GALNTL6: variants seen among roughly 807,000 people sequenced by gnomAD.
GALNTL6 encodes the protein polypeptide N-acetylgalactosaminyltransferase like 6.
Under a neutral mutation model 73.7 loss-of-function variants are expected in GALNTL6, and 46 were observed. The observed-to-expected ratio is 0.62, with a 90% confidence interval of 0.49 to 0.80. The LOEUF is 0.80. Among genes scored for constraint, GALNTL6 ranks in the 30% least tolerant of loss-of-function variants. GALNTL6 has a pLI of 0.00. For synonymous variants in GALNTL6, 259 were observed against 263.7 expected, an observed-to-expected ratio of 0.98 and a Z score of 0.17; for missense variants, 604 against 755.0, an observed-to-expected ratio of 0.80 and a Z score of 2.34.
At chr4:172,840,230 T>C (rs777071059) in intron 7 of GALNTL6, among the ~76,000 whole-genome samples, 9 of 152,238 alleles carry the variant, frequency 5.9e-5, no homozygotes. Flanking sequence ...TCACTGGAAC[T>C]GTTATAATGT....
intron 2 of GALNTL6, among the ~76,000 whole-genome samples, chr4:171,840,104 C>A (rs556197633): frequency 1.3e-5 from 2 of 152,158 alleles, no homozygotes; most frequent in East Asian, 3.9e-4. Flanking sequence ...CTTTTACTCT[C>A]TTGTTTAACC....
At chr4:173,026,382 G>A (rs970907605) in intron 12 of GALNTL6, among the ~76,000 whole-genome samples, 3 of 152,178 alleles carry the variant, frequency 2.0e-5, no homozygotes, top group Non-Finnish European at 2.9e-5. Flanking sequence ...CTGGAATGGT[G>A]TATAAATACC....
intron 8 of GALNTL6, among the ~76,000 whole-genome samples, chr4:172,887,041 T>C (rs541662274): frequency 6.6e-6 from 1 of 152,332 alleles, no homozygotes; most frequent in South Asian, 2.1e-4. Context: ...TGTCCATGTG[T>C]ACTCAATGCT....
At chr4:172,151,110 A>C (rs11132931) in intron 2 of GALNTL6, among the ~76,000 whole-genome samples, 1 of 151,972 alleles carries the variant, frequency 6.6e-6, no homozygotes, top group Non-Finnish European at 1.5e-5. Context: ...ACTATGCCAA[A>C]AAGAGTTTGA....
chr4:172,269,194 GA>G (rs2111052835), intron 3 of GALNTL6, among the ~76,000 whole-genome samples: 1 of 152,262 alleles, frequency 6.6e-6, no homozygotes, highest in East Asian at 1.9e-4. Flanking sequence ...TCTAGGCAGA[GA>G]GACGTCTTGA....
At chr4:172,340,529 G>A (rs1388480878) in intron 4 of GALNTL6, among the ~76,000 whole-genome samples, 2 of 152,070 alleles carry the variant, frequency 1.3e-5, no homozygotes, top group Non-Finnish European at 2.9e-5. Flanking sequence ...GAAGTGTATG[G>A]TTGTCAATTT....
chr4:172,790,411 G>T lies in GALNTL6; in HGVS notation c.554-18950G>T, dbSNP rs985650072. On this transcript the variant is annotated intron_variant, in intron 5 of 12. Coordinates refer to ENST00000506823, the MANE Select transcript of GALNTL6 (RefSeq NM_001034845.3). ...GTGTCCTAGAAATTTTTCTCTCTCT[G>T]CCCATGCACACACACAGAGGAAAGA... Among the ~76,000 whole-genome samples, 6 of 152,044 alleles carry T rather than the reference G, an allele frequency of 3.9e-5. No homozygotes were observed. The East Asian group carries it at 1.2e-3, about 29-fold the overall frequency.
chr4:171,923,104 C>T (rs866444234), intron 2 of GALNTL6, among the ~76,000 whole-genome samples: 2 of 152,112 alleles, frequency 1.3e-5, no homozygotes, highest in Non-Finnish European at 1.5e-5. Flanking sequence ...AGTAGAGAGA[C>T]TGTAGGTCAA....
intron 2 of GALNTL6, among the ~76,000 whole-genome samples, chr4:172,154,024 T>C (rs1734177076): frequency 6.7e-6 from 1 of 150,050 alleles, no homozygotes. Flanking sequence ...AGCAATTGTG[T>C]TGTGGTTTTT....
intron 5 of GALNTL6, among the ~76,000 whole-genome samples, chr4:172,769,087 A>G (rs1325778340): frequency 6.6e-6 from 1 of 152,028 alleles, no homozygotes; most frequent in Non-Finnish European, 1.5e-5. Context: ...AAACTTTTTA[A>G]ACTATAAGTA....
chr4:171,991,141 G>A (rs1013226752), intron 2 of GALNTL6, among the ~76,000 whole-genome samples: 5 of 152,002 alleles, frequency 3.3e-5, no homozygotes, highest in Non-Finnish European at 7.4e-5. Flanking sequence ...ATCAAGATAC[G>A]TAATTAAAAG....
At chr4:172,640,771 T>C (rs925894484) in intron 5 of GALNTL6, among the ~76,000 whole-genome samples, 3 of 152,148 alleles carry the variant, frequency 2.0e-5, no homozygotes, top group Admixed American at 1.3e-4. Context: ...AGTCATATTC[T>C]GAGGAACTGT....
intron 7 of GALNTL6, among the ~76,000 whole-genome samples, chr4:172,848,339 G>A (rs751572089): frequency 6.6e-6 from 1 of 151,946 alleles, no homozygotes; most frequent in Non-Finnish European, 1.5e-5. Flanking sequence ...CCTTTTCATT[G>A]ACCTGTATTT....
chr4:172,261,674 A>G, intron 3 of GALNTL6, among the ~76,000 whole-genome samples: 1 of 150,676 alleles, frequency 6.6e-6, no homozygotes, highest in East Asian at 1.9e-4. Flanking sequence ...CTCTAATTCC[A>G]TGGGATATGA....
chr4:172,605,745 G>T (rs1738231061), intron 5 of GALNTL6, among the ~76,000 whole-genome samples: 1 of 151,990 alleles, frequency 6.6e-6, no homozygotes, highest in African/African-American at 2.4e-5. Flanking sequence ...TAAAATCTGG[G>T]TTCTTATCTC....
At chr4:172,754,197 A>T (rs1737602440) in intron 5 of GALNTL6, among the ~76,000 whole-genome samples, 1 of 152,212 alleles carries the variant, frequency 6.6e-6, no homozygotes, top group South Asian at 2.1e-4. Flanking sequence ...ATTATCAATA[A>T]CTGTGAATCT....
intron 5 of GALNTL6, among the ~76,000 whole-genome samples, chr4:172,659,344 C>T (rs1731252078): frequency 6.6e-6 from 1 of 152,146 alleles, no homozygotes; most frequent in African/African-American, 2.4e-5. Context: ...ATATCCACCA[C>T]CTCAAATACT....
At position 172,122,778 on chromosome 4, in the gene GALNTL6, G is replaced by T. The variant is rs976315757; in HGVS notation, c.139-106878G>T. ...TTTTGCTGACTGTCAGTATCTCCAAGGATTCTATCAATGGGCAGCATTTCT... is the reference window on the plus strand; with the variant it reads ...TTTTGCTGACTGTCAGTATCTCCAATGATTCTATCAATGGGCAGCATTTCT... On this transcript the variant is annotated intron_variant, in intron 2 of 12. Transcript: ENST00000506823. Among the ~76,000 whole-genome samples the T allele has an allele frequency of 2.0e-5, 3 of 152,140 alleles. No homozygotes were observed. The East Asian group carries it at 5.8e-4, about 29-fold the overall frequency.
At chr4:172,735,725 C>A (rs1486955795) in intron 5 of GALNTL6, among the ~76,000 whole-genome samples, 1 of 152,090 alleles carries the variant, frequency 6.6e-6, no homozygotes, top group East Asian at 1.9e-4. Flanking sequence ...GTGAGAGGGA[C>A]CCAGTGGAAG....
Sources: allele counts gnomAD v4.1 joint callset (sites outside exome capture counted in the v4.1 genomes callset), GRCh38; gene constraint gnomAD v4.1.1; transcripts MANE v1.5; gene names NCBI Gene and HGNC (gene_info 2026-07-23, HGNC 2026-07-21).